ARHGAP42: variants seen among roughly 807,000 people sequenced by gnomAD.
The protein encoded by ARHGAP42 is Rho GTPase activating protein 42.
In ARHGAP42, 63 loss-of-function variants were observed where a neutral mutation model predicts 125.0. The observed-to-expected ratio is 0.50, with a 90% CI of 0.41 to 0.62. The LOEUF (loss-of-function observed/expected upper bound fraction) is 0.62. Among genes scored for constraint, ARHGAP42 ranks in the 20% least tolerant of loss-of-function variants. ARHGAP42 has a pLI of 0.00. For synonymous variants in ARHGAP42, 339 were observed against 351.0 expected (o/e 0.97, Z 0.38); for missense variants, 766 against 1,024.2 (o/e 0.75, Z 3.44).
At chr11:100,880,123 G>T (rs552401010) in intron 4 of ARHGAP42, among the ~76,000 whole-genome samples, 1 of 152,110 alleles carries the variant, frequency 6.6e-6, no homozygotes, top group Non-Finnish European at 1.5e-5. Flanking sequence ...ATTTCCATAG[G>T]TTATTAGTGA....
intron 3 of ARHGAP42, among the ~76,000 whole-genome samples, chr11:100,795,761 A>G (rs1863695371): frequency 1.3e-5 from 2 of 152,226 alleles, no homozygotes; most frequent in South Asian, 4.1e-4. Flanking sequence ...TTCTCTGTTT[A>G]TGATGCAATG....
chr11:100,949,525 A>G (rs1469431942), intron 11 of ARHGAP42, among the ~76,000 whole-genome samples: 2 of 152,172 alleles, frequency 1.3e-5, no homozygotes, highest in African/African-American at 2.4e-5. Context: ...TGTTAGCCCA[A>G]CAATGTACAA....
Position 100,939,121 on chromosome 11 carries a change from T to C in ARHGAP42, c.833-2663T>C, listed in dbSNP as rs949555597. On this transcript the variant is annotated intron_variant, in intron 8 of 23. Transcript: ENST00000298815. ...TGTTTATGTTACCCACCTCGAGGCA[T>C]GCATTAAATCACATTCTGCTAGACT... Among the ~76,000 whole-genome samples the C allele has an allele frequency of 2.6e-5, 4 of 152,302 alleles. No individual in the cohort carries two copies. The South Asian group carries it at 6.2e-4, about 24-fold the overall frequency.
chr11:100,707,355 A>G (rs1861495304), intron 1 of ARHGAP42, among the ~76,000 whole-genome samples: 1 of 152,210 alleles, frequency 6.6e-6, no homozygotes, highest in Admixed American at 6.5e-5. Flanking sequence ...TTTAAATTGC[A>G]TTCTTTATGA....
At chr11:100,829,027 G>A (rs1281045535) in intron 3 of ARHGAP42, among the ~76,000 whole-genome samples, 2 of 152,166 alleles carry the variant, frequency 1.3e-5, no homozygotes, top group Admixed American at 1.3e-4. Context: ...ATGCAAAGAG[G>A]AATCTGGAAA....
At chr11:100,819,267 A>C (rs1482014407) in intron 3 of ARHGAP42, among the ~76,000 whole-genome samples, 3 of 152,266 alleles carry the variant, frequency 2.0e-5, no homozygotes, top group African/African-American at 7.2e-5. Context: ...AGGCTATTGT[A>C]TTAATGCTGA....
At chr11:100,877,204 A>G (rs1363051493) in intron 4 of ARHGAP42, among the ~76,000 whole-genome samples, 1 of 152,226 alleles carries the variant, frequency 6.6e-6, no homozygotes, top group Non-Finnish European at 1.5e-5. Flanking sequence ...TGTTCTAGGA[A>G]GTAAATCAAA....
At chr11:100,916,288 G>A (rs1354129091) in intron 5 of ARHGAP42, among the ~76,000 whole-genome samples, 1 of 152,154 alleles carries the variant, frequency 6.6e-6, no homozygotes, top group Non-Finnish European at 1.5e-5. Flanking sequence ...AGACCTGAAT[G>A]CATAAAAATA....
At chr11:100,790,638 G>A (rs1163367432) in intron 2 of ARHGAP42, among the ~76,000 whole-genome samples, 1 of 152,138 alleles carries the variant, frequency 6.6e-6, no homozygotes. Flanking sequence ...TAGAATAAGA[G>A]TTGGTATGTT....
chr11:100,825,894 A>G (rs1476466373), intron 3 of ARHGAP42, among the ~76,000 whole-genome samples: 1 of 152,154 alleles, frequency 6.6e-6, no homozygotes, highest in Non-Finnish European at 1.5e-5. Flanking sequence ...GCATTGCTAG[A>G]AAGCTCTGTA....
At chr11:100,941,936 A>T in intron 9 of ARHGAP42, 52 bp downstream of exon 9, 1 of 1,281,252 alleles carries the variant, frequency 7.8e-7, no homozygotes, top group South Asian at 1.4e-5. Context: ...TTATTTAAGT[A>T]ATGGAATTAA....
intron 4 of ARHGAP42, among the ~76,000 whole-genome samples, chr11:100,876,515 A>G (rs1241754600): frequency 6.6e-6 from 1 of 152,232 alleles, no homozygotes; most frequent in Non-Finnish European, 1.5e-5. Flanking sequence ...TTAAGTAAGA[A>G]TGTGGTGAAT....
At chr11:100,862,437 G>T (rs574048554) in intron 4 of ARHGAP42, among the ~76,000 whole-genome samples, 1 of 152,132 alleles carries the variant, frequency 6.6e-6, no homozygotes, top group Non-Finnish European at 1.5e-5. Context: ...TTATTTGGAG[G>T]TTCAAGTTAT....
intron 1 of ARHGAP42, among the ~76,000 whole-genome samples, chr11:100,711,343 A>G (rs1459115958): frequency 2.0e-5 from 3 of 151,858 alleles, no homozygotes; most frequent in African/African-American, 7.3e-5. Context: ...ATGTGTTTAT[A>G]TTGTCCAATG....
chr11:100,688,726 T>C (rs558843677), intron 1 of ARHGAP42, among the ~76,000 whole-genome samples: 11 of 152,310 alleles, frequency 7.2e-5, no homozygotes, highest in African/African-American at 2.6e-4. Context: ...AAAAAATTTA[T>C]TTTTATTTAT....
At chr11:100,728,190 T>C (rs188120509) in intron 1 of ARHGAP42, among the ~76,000 whole-genome samples, 2 of 152,146 alleles carry the variant, frequency 1.3e-5, no homozygotes, top group Admixed American at 1.3e-4. Context: ...TAGATTTTAC[T>C]GAAACCTCTC....
intron 17 of ARHGAP42, among the ~76,000 whole-genome samples, chr11:100,970,583 TA>T (rs146888234): frequency 4.0e-5 from 6 of 148,178 alleles, no homozygotes; most frequent in African/African-American, 9.9e-5. Flanking sequence ...CCAGGTCACT[TA>T]AAAAAAAAAC....
intron 1 of ARHGAP42, among the ~76,000 whole-genome samples, chr11:100,737,349 T>C (rs1565548093): frequency 6.6e-6 from 1 of 152,212 alleles, no homozygotes; most frequent in Non-Finnish European, 1.5e-5. Context: ...GATGCTTATT[T>C]TGGAAGGTTT....
intron 4 of ARHGAP42, among the ~76,000 whole-genome samples, chr11:100,904,247 C>CTTT (rs1555021418): frequency 8.3e-5 from 12 of 143,824 alleles, no homozygotes; most frequent in Non-Finnish European, 1.8e-4. Flanking sequence ...TTTCCTCTCT[C>CTTT]TTTTTTTTTT....
Sources: gnomAD v4.1 joint callset for allele counts (sites outside exome capture counted in the v4.1 genomes callset) on GRCh38, gnomAD v4.1.1 for gene constraint, MANE v1.5 for transcripts, NCBI Gene and HGNC (gene_info 2026-07-23, HGNC 2026-07-21) for gene names.